The following PACC1 variants were observed in gnomAD, a reference collection of about 807,000 sequenced individuals.
The protein encoded by PACC1 is proton activated chloride channel 1, also known as proton-activated chloride channel.
PACC1 carries 34 observed loss-of-function variants against 39.7 expected under a neutral mutation model. The observed-to-expected ratio is 0.86, with a 90% CI of 0.65 to 1.14. The LOEUF (loss-of-function observed/expected upper bound fraction) is 1.14, where lower values mean the gene tolerates loss of function less well. Among genes scored for constraint, PACC1 ranks in the 50% most tolerant of loss-of-function variants. PACC1 has a pLI of 0.00. For missense variants in PACC1, 379 were observed against 436.4 expected (o/e 0.87, Z 1.17); for synonymous variants, 127 against 160.6 (o/e 0.79, Z 1.58).
At chr1:212,371,674 C>G (rs1010209038) in intron 7 of PACC1, among the ~76,000 whole-genome samples, 4 of 152,156 alleles carry the variant, frequency 2.6e-5, no homozygotes, top group Admixed American at 1.3e-4. Context: ...AAACTCGGTT[C>G]TGCAAGGCCA....
At chr1:212,372,550 A>C (rs1318725938) in intron 7 of PACC1, among the ~76,000 whole-genome samples, 1 of 152,172 alleles carries the variant, frequency 6.6e-6, no homozygotes, top group African/African-American at 2.4e-5. Context: ...AAAAGAAGTC[A>C]AACTGTCTTT....
At chr1:212,395,918 A>G (rs959780105) in intron 2 of PACC1, among the ~76,000 whole-genome samples, 2 of 152,256 alleles carry the variant, frequency 1.3e-5, no homozygotes, top group African/African-American at 4.8e-5. Flanking sequence ...AATGGCGATC[A>G]TTAAAAATTC....
chr1:212,402,421 T>C (rs1468022947), intron 2 of PACC1, among the ~76,000 whole-genome samples: 1 of 152,244 alleles, frequency 6.6e-6, no homozygotes, highest in East Asian at 1.9e-4. Flanking sequence ...CTAATGATGT[T>C]GGCATTATTT....
At chr1:212,396,813 T>G (rs1661542119) in intron 2 of PACC1, among the ~76,000 whole-genome samples, 1 of 137,866 alleles carries the variant, frequency 7.3e-6, no homozygotes, top group African/African-American at 3.0e-5. Flanking sequence ...TCTATCTATC[T>G]ATCTATCTAT....
intron 1 of PACC1, chr1:212,413,793 A>G (rs964354689): frequency 1.5e-6 from 2 of 1,293,442 alleles, no homozygotes; most frequent in South Asian, 1.6e-5. Context: ...GCAGGGCCTC[A>G]AGGCAAATCT....
chr1:212,367,495 T>TA (rs1660288907), intron 7 of PACC1, among the ~76,000 whole-genome samples: 1 of 152,178 alleles, frequency 6.6e-6, no homozygotes, highest in Non-Finnish European at 1.5e-5. Context: ...GAGGGGCATC[T>TA]ACCACCCCAG....
At chr1:212,404,544 T>C (rs1661836612) in intron 2 of PACC1, among the ~76,000 whole-genome samples, 1 of 151,966 alleles carries the variant, frequency 6.6e-6, no homozygotes, top group East Asian at 1.9e-4. Flanking sequence ...GCCCCAACCA[T>C]ACCATGCTAT....
At chr1:212,370,509 C>CACAT (rs1488753272) in intron 7 of PACC1, among the ~76,000 whole-genome samples, 11 of 152,330 alleles carry the variant, frequency 7.2e-5, no homozygotes, top group African/African-American at 2.4e-4. Context: ...TTCTCATCAG[C>CACAT]ACATGGAACA....
intron 2 of PACC1, among the ~76,000 whole-genome samples, chr1:212,401,352 G>A (rs1015162647): frequency 2.6e-5 from 4 of 152,068 alleles, no homozygotes; most frequent in Non-Finnish European, 4.4e-5. Context: ...ACAGCTAGGC[G>A]CGGTGGCTCA....
chr1:212,389,900 GATGGAAA>G (rs1661245290), intron 2 of PACC1, among the ~76,000 whole-genome samples: 1 of 152,096 alleles, frequency 6.6e-6, no homozygotes. Context: ...TAAAAAAACA[GATGGAAA>G]TTCCAGATCT....
chr1:212,379,981 G>A lies in PACC1; in HGVS notation c.552C>T (p.Phe184=). Residue 184 remains phenylalanine, a synonymous_variant, in exon 5 of 8, where the codon TTC becomes TTT. Transcript: ENST00000261455. ...PREVKKRELV[F]LQFRLNKSSE... is the part of the protein sequence containing the mutation. ...TACTCTTGTTCAGGCGGAACTGGAGGAAGACCAGCTCCCGCTTTTTCACTT... is the reference window on the plus strand; with the variant it reads ...TACTCTTGTTCAGGCGGAACTGGAGAAAGACCAGCTCCCGCTTTTTCACTT... 2.5e-6 allele frequency: 4 copies of A among 1,614,212 alleles called. No individual in the cohort carries two copies. The highest frequency in any genetic ancestry group is 3.4e-6 in the Non-Finnish European group (4 of 1,180,020).
chr1:212,411,941 G>C (rs1662142556), intron 1 of PACC1, among the ~76,000 whole-genome samples: 3 of 152,212 alleles, frequency 2.0e-5, no homozygotes, highest in Admixed American at 2.0e-4. Flanking sequence ...AGGAGTTCGA[G>C]ACCTGCCTGG....
chr1:212,375,461 C>T (rs1660612995), intron 6 of PACC1, among the ~76,000 whole-genome samples, 161 bp from the exon 7 acceptor site: 1 of 152,128 alleles, frequency 6.6e-6, no homozygotes, highest in Admixed American at 6.6e-5. Context: ...ATACAAGATC[C>T]TGACATTGGT....
In PACC1 at chr1:212,399,851, CT is replaced by C. The variant is rs60857237; in HGVS notation, c.133+10573del. Among the ~76,000 whole-genome samples the C allele has an allele frequency of 5.3e-4, 80 of 149,840 alleles. 1 individual carries two copies. Among genetic ancestry groups the C allele is most frequent in the African/African-American group, 1.9e-3 (76 of 40,888 alleles). On this transcript the variant is annotated intron_variant, in intron 2 of 7. Transcript: ENST00000261455. ...GAGCCACTGTACCTGACCTGGAAAA[CT>C]TTTTTTTTTGAGACGGAGTTTCACT...
chr1:212,365,422 CTT>C, intron 7 of PACC1, 46 bp from the exon 8 acceptor site: 1 of 965,026 alleles, frequency 1.0e-6, no homozygotes, highest in Non-Finnish European at 1.5e-6. Context: ...TTGCTTCAGT[CTT>C]GATTCTTTTT....
chr1:212,378,942 T>A (rs1660768491), intron 5 of PACC1, among the ~76,000 whole-genome samples: 1 of 150,804 alleles, frequency 6.6e-6, no homozygotes, highest in African/African-American at 2.4e-5. Context: ...TTTCTCTTCC[T>A]TATGATTTCC....
At chr1:212,389,607 C>G (rs1194147317) in intron 2 of PACC1, among the ~76,000 whole-genome samples, 1 of 152,030 alleles carries the variant, frequency 6.6e-6, no homozygotes, top group Non-Finnish European at 1.5e-5. Context: ...CCAAGATGAC[C>G]CAGTGTTGCA....
chr1:212,401,012 G>A (rs1661690388), intron 2 of PACC1, among the ~76,000 whole-genome samples: 1 of 152,090 alleles, frequency 6.6e-6, no homozygotes, highest in African/African-American at 2.4e-5. Flanking sequence ...GAGGCATTCT[G>A]AATTTTTTGC....
At chr1:212,368,704 G>C (rs1370629891) in intron 7 of PACC1, among the ~76,000 whole-genome samples, 1 of 151,990 alleles carries the variant, frequency 6.6e-6, no homozygotes, top group Non-Finnish European at 1.5e-5. Context: ...ACACTCACAA[G>C]GTCTAGAAAA....
Sources: gnomAD v4.1 joint callset for allele counts (sites outside exome capture counted in the v4.1 genomes callset) on GRCh38, gnomAD v4.1.1 for gene constraint, MANE v1.5 for transcripts, NCBI Gene and HGNC (gene_info 2026-07-23, HGNC 2026-07-21) for gene names.